The following FRMD4B variants were observed in gnomAD, a reference collection of about 807,000 sequenced individuals.
FRMD4B encodes FERM domain containing 4B.
In FRMD4B, 74 loss-of-function variants were observed where a neutral mutation model predicts 141.5. That is an observed-to-expected ratio of 0.52 (90% CI 0.43 to 0.63). The LOEUF (loss-of-function observed/expected upper bound fraction) is 0.63. Ranked by LOEUF, FRMD4B falls within the 30% of genes least tolerant of loss-of-function variation. FRMD4B has a pLI of 0.00. For synonymous variants in FRMD4B, 506 were observed against 467.9 expected, an observed-to-expected ratio of 1.08 and a Z score of -1.05; for missense variants, 1,366 against 1,253.4, an observed-to-expected ratio of 1.09 and a Z score of -1.36.
At chr3:69,204,287 T>G (rs554734548) in intron 11 of FRMD4B, among the ~76,000 whole-genome samples, 2 of 152,298 alleles carry the variant, frequency 1.3e-5, no homozygotes, top group East Asian at 3.9e-4. Context: ...CAAACTGTCT[T>G]TTTAAATCTT....
chr3:69,496,789 G>T (rs989837197), intron 1 of FRMD4B, among the ~76,000 whole-genome samples: 3 of 151,646 alleles, frequency 2.0e-5, no homozygotes, highest in South Asian at 4.2e-4. Context: ...TGCTTAAGTC[G>T]CTATGGGCTA....
chr3:69,237,780 G>C (rs747316855), intron 7 of FRMD4B, among the ~76,000 whole-genome samples: 2 of 152,198 alleles, frequency 1.3e-5, no homozygotes, highest in Non-Finnish European at 2.9e-5. Flanking sequence ...ATCCAGGCTA[G>C]AGTGCAGTGG....
chr3:69,210,300 T>A (rs2093062930), intron 11 of FRMD4B, among the ~76,000 whole-genome samples: 1 of 152,238 alleles, frequency 6.6e-6, no homozygotes, highest in African/African-American at 2.4e-5. Context: ...TACAAATCTG[T>A]CATGACATAG....
upstream of FRMD4B, among the ~76,000 whole-genome samples, chr3:69,390,060 G>C (rs752060651): frequency 1.3e-5 from 2 of 152,106 alleles, no homozygotes; most frequent in Non-Finnish European, 2.9e-5. Flanking sequence ...TTGTGCTGTC[G>C]TAAAAGAGAA....
intron 5 of FRMD4B, among the ~76,000 whole-genome samples, chr3:69,266,461 G>C (rs2093562761): frequency 6.6e-6 from 1 of 152,084 alleles, no homozygotes; most frequent in Non-Finnish European, 1.5e-5. Flanking sequence ...AAGCAGCTGG[G>C]ATTACAGGCA....
At chr3:69,294,188 C>T (rs1300239140) in intron 4 of FRMD4B, among the ~76,000 whole-genome samples, 1 of 152,140 alleles carries the variant, frequency 6.6e-6, no homozygotes, top group Non-Finnish European at 1.5e-5. Flanking sequence ...ATCAAAACAC[C>T]TCATTCTGGG....
At chr3:69,477,299 G>T (rs1413163082) in intron 1 of FRMD4B, among the ~76,000 whole-genome samples, 2 of 148,450 alleles carry the variant, frequency 1.3e-5, no homozygotes, top group African/African-American at 5.2e-5. Context: ...CAAAGGGAAT[G>T]CTTCCAGTTT....
Position 69,216,306 on chromosome 3 carries a change from C to A in FRMD4B, c.833G>T (p.Gly278Val). The stretch of plus-strand genomic sequence containing the variant: ...GTCTTGTATATCATATTGGCCAATT[C>A]CCTTATAGCTTATTCCAAGCCACCA... ...LPWWLGISYK[G>V]IGQYDIQDKV... The change falls in exon 11 of 23, where the codon GGA becomes GTA. Residue 278 changes from glycine (G) to valine (V), a missense_variant. Transcript: ENST00000398540. The A allele has an allele frequency of 6.3e-7, 1 of 1,580,748 alleles. No individual in the cohort carries two copies. The highest frequency in any genetic ancestry group is 1.2e-5 in the South Asian group (1 of 86,722).
chr3:69,243,696 A>G (rs893312462), intron 7 of FRMD4B, among the ~76,000 whole-genome samples: 3 of 152,208 alleles, frequency 2.0e-5, no homozygotes, highest in Non-Finnish European at 2.9e-5. Context: ...TACTTTGTTC[A>G]ATGGAGATAA....
At chr3:69,399,357 T>C (rs1422067072) in intron 2 of FRMD4B, among the ~76,000 whole-genome samples, 1 of 152,228 alleles carries the variant, frequency 6.6e-6, no homozygotes, top group Admixed American at 6.5e-5. Context: ...TCATTCACTC[T>C]TATGTCCTTC....
At chr3:69,339,230 G>A (rs907839637) in intron 1 of FRMD4B, among the ~76,000 whole-genome samples, 3 of 151,828 alleles carry the variant, frequency 2.0e-5, no homozygotes, top group African/African-American at 7.3e-5. Flanking sequence ...TGTTAAACCC[G>A]AGTTTTATAA....
At chr3:69,526,606 T>C (rs889784856) in intron 1 of FRMD4B, among the ~76,000 whole-genome samples, 3 of 152,076 alleles carry the variant, frequency 2.0e-5, no homozygotes, top group African/African-American at 4.8e-5. Flanking sequence ...GCCGAGAAAA[T>C]TGTTAGGCTC....
intron 1 of FRMD4B, among the ~76,000 whole-genome samples, chr3:69,314,227 T>TA (rs59090061): frequency 0.29 from 31,893 of 109,144 alleles, 5,147 homozygotes; most frequent in Admixed American, 0.35. Flanking sequence ...AATGTTTTAT[T>TA]AAAAAAAAAA....
At chr3:69,408,815 C>T (rs6549215) in intron 2 of FRMD4B, among the ~76,000 whole-genome samples, 49,983 of 151,794 alleles carry the variant, frequency 0.33, 8,727 homozygotes, top group Admixed American at 0.42. Context: ...GAAGAGTCGA[C>T]GACTGGAGGG....
intron 1 of FRMD4B, among the ~76,000 whole-genome samples, chr3:69,439,106 T>G (rs1343319649): frequency 6.6e-6 from 1 of 152,128 alleles, no homozygotes; most frequent in Non-Finnish European, 1.5e-5. Flanking sequence ...TATTCTATGA[T>G]TTTGTAATTT....
rs549539662 is a variant in FRMD4B at position 69,443,492 on chromosome 3, G to A, written c.-128-10731C>T. 2.0e-5 allele frequency among the ~76,000 whole-genome samples: 3 copies of A among 152,320 alleles called. No homozygotes were observed. The South Asian group carries it at 6.2e-4, about 32-fold the overall frequency. On this transcript the variant is annotated intron_variant, in intron 1 of 5. Transcript: ENST00000459638. ...GCTAATTGTCAAACCTGAGCAGGAG[G>A]TCATAGGAACCCCTAATTTGTAGTT...
At position 69,180,790 on chromosome 3, in the gene FRMD4B, C is replaced by T. The variant is rs138429110; in HGVS notation, c.2851+109G>A. On this transcript the variant is annotated intron_variant, in intron 21 of 22. Coordinates refer to ENST00000398540, the MANE Select transcript of FRMD4B (RefSeq NM_015123.3). Reference sequence around the variant, plus strand: ...GTGGGGTTCCACCGAATGGTTGCCCCACTTTTGACCCTGAGTACTGGTCTC... The same window carrying T: ...GTGGGGTTCCACCGAATGGTTGCCCTACTTTTGACCCTGAGTACTGGTCTC... 23 of 724,746 alleles carry T rather than the reference C, an allele frequency of 3.2e-5. No individual in the cohort carries two copies. The African/African-American group carries it at 4.0e-4, about 13-fold the overall frequency. 44.9% of individuals were successfully genotyped at this position (724,746 alleles called of 1,614,324 possible).
intron 21 of FRMD4B, among the ~76,000 whole-genome samples, chr3:69,180,456 G>T (rs1229518116): frequency 6.6e-6 from 1 of 151,874 alleles, no homozygotes; most frequent in African/African-American, 2.4e-5. Flanking sequence ...TTACCTGAGG[G>T]TTTATTCTTT....
At chr3:69,453,471 T>C (rs1705531465) in intron 1 of FRMD4B, among the ~76,000 whole-genome samples, 1 of 152,250 alleles carries the variant, frequency 6.6e-6, no homozygotes, top group South Asian at 2.1e-4. Flanking sequence ...ATTTCTTGGC[T>C]GCATAATGCA....
Sources: allele counts gnomAD v4.1 joint callset (sites outside exome capture counted in the v4.1 genomes callset), GRCh38; gene constraint gnomAD v4.1.1; transcripts MANE v1.5; gene names NCBI Gene and HGNC (gene_info 2026-07-23, HGNC 2026-07-21).